ITSN1: variants seen among roughly 807,000 people sequenced by gnomAD.
ITSN1 encodes the protein intersectin 1.
A neutral mutation model predicts 239.8 loss-of-function variants in ITSN1; 58 were observed. The ratio of observed to expected loss-of-function variants is 0.24; its 90% CI spans 0.20 to 0.30. The LOEUF (loss-of-function observed/expected upper bound fraction) is 0.30, where lower values mean the gene tolerates loss of function less well. ITSN1 is among the 10% of genes least tolerant of loss of function. The probability of loss-of-function intolerance (pLI) is 1.00; values close to 1 mark genes in which losing one functional copy is unlikely to be tolerated. For synonymous variants in ITSN1, 780 were observed against 770.8 expected (o/e 1.01, Z -0.20); for missense variants, 1,558 against 2,103.3 (o/e 0.74, Z 5.07).
intron 1 of ITSN1, among the ~76,000 whole-genome samples, chr21:33,657,554 G>A (rs192479154): frequency 2.4e-4 from 37 of 152,212 alleles, no homozygotes; most frequent in African/African-American, 7.9e-4. Context: ...TACCTGGAGC[G>A]GTGTCTTTTT....
chr21:33,672,500 A>C (rs924069997), intron 1 of ITSN1, among the ~76,000 whole-genome samples: 2 of 152,222 alleles, frequency 1.3e-5, no homozygotes, highest in Non-Finnish European at 2.9e-5. Flanking sequence ...GGATATGAAG[A>C]AAAGGGAACG....
At chr21:33,671,097 A>G (rs565851328) in intron 1 of ITSN1, among the ~76,000 whole-genome samples, 2 of 152,340 alleles carry the variant, frequency 1.3e-5, no homozygotes, top group East Asian at 3.9e-4. Context: ...GAAACATTCA[A>G]AAGTCGTATG....
intron 5 of ITSN1, among the ~76,000 whole-genome samples, chr21:33,738,337 C>G (rs2066626900): frequency 6.6e-6 from 1 of 152,108 alleles, no homozygotes; most frequent in Non-Finnish European, 1.5e-5. Flanking sequence ...AACTGAGATT[C>G]TCAGAAATTG....
intron 1 of ITSN1, among the ~76,000 whole-genome samples, chr21:33,645,883 A>G (rs1442099328): frequency 3.3e-5 from 5 of 152,188 alleles, no homozygotes. Context: ...ATTAAGTTTT[A>G]TCCCTTAGGC....
intron 5 of ITSN1, among the ~76,000 whole-genome samples, chr21:33,747,981 TAA>T (rs1305247646): frequency 6.6e-6 from 1 of 152,156 alleles, no homozygotes; most frequent in East Asian, 1.9e-4. Flanking sequence ...TTAAAAGATA[TAA>T]GATTGTATAA....
At chr21:33,880,170 A>C (rs1984668529) in intron 34 of ITSN1, among the ~76,000 whole-genome samples, 1 of 152,226 alleles carries the variant, frequency 6.6e-6, no homozygotes, top group African/African-American at 2.4e-5. Context: ...TGCGTGGCCC[A>C]GGTCTGGACA....
intron 1 of ITSN1, among the ~76,000 whole-genome samples, chr21:33,712,211 C>G (rs1273920915): frequency 6.6e-6 from 1 of 151,468 alleles, no homozygotes; most frequent in Non-Finnish European, 1.5e-5. Context: ...AAGAATTTGT[C>G]AGATTTTCCT....
At chr21:33,651,658 G>C (rs948524344) in intron 1 of ITSN1, among the ~76,000 whole-genome samples, 1 of 152,156 alleles carries the variant, frequency 6.6e-6, no homozygotes, top group Non-Finnish European at 1.5e-5. Flanking sequence ...GAGAGATTTT[G>C]TTTCCTTTTT....
chr21:33,878,466 A>G (rs1029865596), intron 34 of ITSN1, among the ~76,000 whole-genome samples: 4 of 152,186 alleles, frequency 2.6e-5, no homozygotes, highest in Admixed American at 6.5e-5. Flanking sequence ...ACATACATAC[A>G]TGCATGTATG....
chr21:33,879,647 C>T (rs73352201), intron 34 of ITSN1, among the ~76,000 whole-genome samples: 2,380 of 152,260 alleles, frequency 0.016, 66 homozygotes, highest in African/African-American at 0.053. Flanking sequence ...ACAGTGAGGC[C>T]GGGATCTGAA....
chr21:33,711,278 T>G (rs2092407341), intron 1 of ITSN1, among the ~76,000 whole-genome samples: 1 of 152,038 alleles, frequency 6.6e-6, no homozygotes, highest in African/African-American at 2.4e-5. Context: ...TTTCTACGAT[T>G]TTTTTTTCTC....
intron 34 of ITSN1, among the ~76,000 whole-genome samples, chr21:33,876,151 T>TTTTTTCTTTC (rs1983798563): frequency 4.9e-4 from 21 of 42,812 alleles, no homozygotes; most frequent in Admixed American, 4.8e-4. Flanking sequence ...CTTTCTTTCT[T>TTTTTTCTTTC]TCTCTCTCTC....
At position 33,774,917 on chromosome 21, in the gene ITSN1, A is replaced by G. The variant is rs202036992; in HGVS notation, c.1455+39A>G. On this transcript the variant is annotated intron_variant, in intron 13 of 39. Transcript: ENST00000381318. ...GGTTATACTTTGAAAATATACTAAG[A>G]TGGAACCATTAAAAACAGTAATAAT... 530 of 1,604,160 alleles carry G rather than the reference A, an allele frequency of 3.3e-4. 2 individuals are homozygous for G. In the African/African-American group the frequency reaches 6.3e-3, roughly 19 times the overall value.
At chr21:33,698,977 T>C (rs2091904747) in intron 1 of ITSN1, among the ~76,000 whole-genome samples, 2 of 152,210 alleles carry the variant, frequency 1.3e-5, no homozygotes, top group South Asian at 4.1e-4. Context: ...AAAAGGATAA[T>C]ATGTGGAGGC....
At chr21:33,790,184 C>A (rs565546721) in intron 16 of ITSN1, among the ~76,000 whole-genome samples, 1 of 152,094 alleles carries the variant, frequency 6.6e-6, no homozygotes, top group South Asian at 2.1e-4. Flanking sequence ...ATCCACAGGG[C>A]TGAAGCTTAT....
In ITSN1 at chr21:33,646,870, C is replaced by G. The variant is rs1362318559; in HGVS notation, c.-33+4157C>G. ...CTTTGGTGGTGTGCGTCTATAGTCC[C>G]AGCTACTTCGGAGGCTGAGGTGGGA... On this transcript the variant is annotated intron_variant, in intron 1 of 39. Transcript: ENST00000381318. 2.0e-5 allele frequency among the ~76,000 whole-genome samples: 3 copies of G among 152,026 alleles called. No homozygotes were observed. In the South Asian group the frequency reaches 6.2e-4, roughly 31 times the overall value.
At chr21:33,887,083 T>G (rs1985915559) in intron 39 of ITSN1, among the ~76,000 whole-genome samples, 1 of 152,102 alleles carries the variant, frequency 6.6e-6, no homozygotes, top group South Asian at 2.1e-4. Context: ...TTTGGGAGGC[T>G]GAGGCAGGAG....
At position 33,797,834 on chromosome 21, in the gene ITSN1, C is replaced by T. The variant is rs368743828; in HGVS notation, c.2182+226C>T. ...CTGGCCCACGTTACACTGGCATCCA[C>T]GAGTCCTCTACGGAGCTAACAAGTG... On this transcript the variant is annotated intron_variant, in intron 18 of 39. Coordinates refer to ENST00000381318, the MANE Select transcript of ITSN1 (RefSeq NM_003024.3). The surrounding 1 kb of genome is among the most constrained non-coding windows in gnomAD (Gnocchi z 4.9). Among the ~76,000 whole-genome samples the T allele has an allele frequency of 2.6e-5, 4 of 152,098 alleles. No individual in the cohort carries two copies. Among genetic ancestry groups the T allele is most frequent in the East Asian group, 3.9e-4 (2 of 5,176 alleles).
intron 6 of ITSN1, 104 bp downstream of exon 6, chr21:33,750,426 T>C (rs750372708): frequency 5.6e-6 from 6 of 1,062,608 alleles, no homozygotes; most frequent in Non-Finnish European, 8.3e-6. Context: ...TTAAATGATA[T>C]TTTAGTCCAG....
Sources: allele counts gnomAD v4.1 joint callset (sites outside exome capture counted in the v4.1 genomes callset), GRCh38; gene constraint gnomAD v4.1.1; non-coding constraint Gnocchi (gnomAD v3.1); transcripts MANE v1.5; gene names NCBI Gene and HGNC (gene_info 2026-07-23, HGNC 2026-07-21).